NRXN3: variants seen among roughly 807,000 people sequenced by gnomAD.
The protein encoded by NRXN3 is neurexin 3, also known as neurexin III.
NRXN3 carries 32 observed loss-of-function variants against 137.6 expected under a neutral mutation model. The ratio of observed to expected loss-of-function variants is 0.23; its 90% CI spans 0.18 to 0.31. The LOEUF is 0.31. Ranked by LOEUF, NRXN3 falls within the 10% of genes least tolerant of loss-of-function variation. The pLI, the probability that NRXN3 is intolerant of heterozygous loss-of-function variation, is 1.00. For synonymous variants in NRXN3, 798 were observed against 784.5 expected (o/e 1.02, Z -0.29); for missense variants, 1,574 against 2,062.5 (o/e 0.76, Z 4.59).
At chr14:79,761,405 T>G (rs982520520) in intron 19 of NRXN3, among the ~76,000 whole-genome samples, 2 of 151,664 alleles carry the variant, frequency 1.3e-5, no homozygotes, top group African/African-American at 4.9e-5. Context: ...CAAACATCTG[T>G]TATACTCCAA....
chr14:78,911,378 T>C (rs1383569637), intron 10 of NRXN3, among the ~76,000 whole-genome samples: 2 of 152,200 alleles, frequency 1.3e-5, no homozygotes, highest in Non-Finnish European at 2.9e-5. Flanking sequence ...ATGTTTTGTC[T>C]GTATCTATAT....
At chr14:79,307,847 G>A (rs2086371791) in intron 15 of NRXN3, among the ~76,000 whole-genome samples, 1 of 150,196 alleles carries the variant, frequency 6.7e-6, no homozygotes, top group South Asian at 2.1e-4. Flanking sequence ...TTTTGGTCAA[G>A]CCATTTGTAT....
intron 4 of NRXN3, among the ~76,000 whole-genome samples, chr14:78,348,953 C>T (rs772460385): frequency 6.6e-6 from 1 of 152,172 alleles, no homozygotes. Flanking sequence ...TAAAGGTGGT[C>T]ACTGTGCAGA....
intron 4 of NRXN3, among the ~76,000 whole-genome samples, chr14:78,627,104 TTC>T (rs68104206): frequency 0.075 from 9,057 of 120,810 alleles, 265 homozygotes; most frequent in Non-Finnish European, 0.093. Flanking sequence ...CCTCCCTCCC[TTC>T]TCTCTCTCTC....
chr14:79,689,257 G>A (rs1473658589), intron 17 of NRXN3, among the ~76,000 whole-genome samples: 1 of 152,064 alleles, frequency 6.6e-6, no homozygotes, highest in African/African-American at 2.4e-5. Context: ...GAATGTAGGT[G>A]AATTTGGTGA....
At chr14:78,899,280 G>C (rs1279169600) in intron 10 of NRXN3, among the ~76,000 whole-genome samples, 1 of 151,932 alleles carries the variant, frequency 6.6e-6, no homozygotes, top group Non-Finnish European at 1.5e-5. Flanking sequence ...AAAAATTCAA[G>C]ACATGAAATA....
At chr14:79,254,828 T>C in intron 15 of NRXN3, among the ~76,000 whole-genome samples, 1 of 149,080 alleles carries the variant, frequency 6.7e-6, no homozygotes, top group South Asian at 2.1e-4. Context: ...CTTCCTTCTT[T>C]CCTTCTTTCC....
chr14:79,017,711 A>G (rs2099581650), intron 15 of NRXN3, among the ~76,000 whole-genome samples: 1 of 152,182 alleles, frequency 6.6e-6, no homozygotes, highest in African/African-American at 2.4e-5. Flanking sequence ...TCTGTTAACA[A>G]TGGGCAAAGA....
At position 78,314,310 on chromosome 14, in the gene NRXN3, C is replaced by G. The variant is rs540803990; in HGVS notation, c.757+16450C>G. Among the ~76,000 whole-genome samples the G allele has an allele frequency of 1.4e-4, 22 of 152,278 alleles. 1 individual carries two copies. In the South Asian group the frequency reaches 4.6e-3, roughly 32 times the overall value. ...AGCAATGTATATTACTCAGGGCAGG[C>G]TAACTGCTATGACAATTCCCAAATC... is the stretch of plus-strand genomic sequence containing the variant. On this transcript the variant is annotated intron_variant, in intron 4 of 20. Transcript: ENST00000335750.
chr14:78,288,782 C>T (rs1381623841), intron 3 of NRXN3, among the ~76,000 whole-genome samples: 3 of 152,164 alleles, frequency 2.0e-5, no homozygotes, highest in Admixed American at 6.5e-5. Flanking sequence ...GAAGCCTCAC[C>T]ACTCCTTCCC....
chr14:79,620,059 CTT>C (rs2098205708), intron 16 of NRXN3, among the ~76,000 whole-genome samples: 1 of 151,984 alleles, frequency 6.6e-6, no homozygotes, highest in African/African-American at 2.4e-5. Context: ...CTCCAGAAGT[CTT>C]TACAAAGTTA....
intron 1 of NRXN3, among the ~76,000 whole-genome samples, chr14:78,217,076 T>C (rs540019248): frequency 6.6e-6 from 1 of 152,340 alleles, no homozygotes; most frequent in Admixed American, 6.5e-5. Flanking sequence ...GACTTCAACA[T>C]GTCTTTCTCA....
intron 15 of NRXN3, among the ~76,000 whole-genome samples, chr14:79,232,449 TC>T (rs1241291080): frequency 6.6e-6 from 1 of 152,170 alleles, no homozygotes; most frequent in African/African-American, 2.4e-5. Flanking sequence ...AGTTTAAAAA[TC>T]TATATCAATT....
At chr14:78,875,879 G>T (rs1188076430) in intron 10 of NRXN3, among the ~76,000 whole-genome samples, 1 of 152,056 alleles carries the variant, frequency 6.6e-6, no homozygotes, top group Non-Finnish European at 1.5e-5. Context: ...AGAACGATAG[G>T]ATTTCACACT....
At chr14:79,828,331 G>A (rs926402086) in intron 20 of NRXN3, among the ~76,000 whole-genome samples, 39 of 152,062 alleles carry the variant, frequency 2.6e-4, no homozygotes, top group African/African-American at 9.2e-4. Context: ...TAGAAAAAAA[G>A]TGACATGGCT....
chr14:79,345,230 T>C (rs1368026950), intron 15 of NRXN3, among the ~76,000 whole-genome samples: 1 of 152,194 alleles, frequency 6.6e-6, no homozygotes, highest in Non-Finnish European at 1.5e-5. Context: ...TGGTAGAGAT[T>C]GAACACCCTT....
At chr14:78,544,537 A>T (rs1238635871) in intron 4 of NRXN3, among the ~76,000 whole-genome samples, 1 of 152,208 alleles carries the variant, frequency 6.6e-6, no homozygotes, top group Non-Finnish European at 1.5e-5. Context: ...ATTTTATTCA[A>T]TTCCCAAATA....
chr14:78,954,597 T>G, intron 10 of NRXN3, among the ~76,000 whole-genome samples: 1 of 151,970 alleles, frequency 6.6e-6, no homozygotes, highest in East Asian at 1.9e-4. Flanking sequence ...CCCGAGTAGC[T>G]GGGACTACAG....
chr14:79,304,721 T>C (rs918762219), intron 15 of NRXN3, among the ~76,000 whole-genome samples: 2 of 152,096 alleles, frequency 1.3e-5, no homozygotes, highest in African/African-American at 4.8e-5. Flanking sequence ...GTTCTGCTGA[T>C]GTTTGCAATT....
Sources: allele counts gnomAD v4.1 joint callset (sites outside exome capture counted in the v4.1 genomes callset), GRCh38; gene constraint gnomAD v4.1.1; transcripts MANE v1.5; gene names NCBI Gene and HGNC (gene_info 2026-07-23, HGNC 2026-07-21).